ADNP2: variants seen among roughly 807,000 people sequenced by gnomAD.
ADNP2 encodes activity-dependent neuroprotector homeobox protein 2.
In ADNP2, 8 loss-of-function variants were observed where a neutral mutation model predicts 16.4. That is an observed-to-expected ratio of 0.49 (90% CI 0.29 to 0.88). The LOEUF (loss-of-function observed/expected upper bound fraction) is 0.88, where lower values mean the gene tolerates loss of function less well. Among genes scored for constraint, ADNP2 ranks in the 40% least tolerant of loss-of-function variants. The pLI is 0.09. For missense variants in ADNP2, 1,397 were observed against 1,395.1 expected, an observed-to-expected ratio of 1.00 and a Z score of -0.02; for synonymous variants, 637 against 545.8, an observed-to-expected ratio of 1.17 and a Z score of -2.33.
chr18:80,113,774 T>G (rs573553761), intron 1 of ADNP2, among the ~76,000 whole-genome samples: 1 of 152,118 alleles, frequency 6.6e-6, no homozygotes, highest in South Asian at 2.1e-4. Flanking sequence ...GTGAGTCGAG[T>G]GCAGTGGAGT....
chr18:80,124,118 T>G (rs1049165436), intron 2 of ADNP2, among the ~76,000 whole-genome samples: 1 of 152,240 alleles, frequency 6.6e-6, no homozygotes, highest in African/African-American at 2.4e-5. Flanking sequence ...CAGTCTCTTG[T>G]TACAGAAATT....
At position 80,109,387 on chromosome 18, in the gene ADNP2, C is replaced by T. The variant is rs1249590481; in HGVS notation, c.-99C>T. 6.7e-6 allele frequency: 1 copy of T among 148,684 alleles called. No homozygotes were observed. Among genetic ancestry groups the T allele is most frequent in the Non-Finnish European group, 1.5e-5 (1 of 66,672 alleles). The allele number at this position is 148,684 out of a possible 1,614,324, so 9.2% of individuals were successfully genotyped here. ...AGGCGCGGGCGGGCGCAGGCGGCCC[C>T]ACGGGACGCGGCTGCGCTCGGCGGA... On this transcript the variant is annotated 5_prime_UTR_variant, in exon 1 of 4. Transcript: ENST00000262198.
At chr18:80,133,895 G>A (rs4020397) in intron 3 of ADNP2, 128,502 of 152,196 alleles carry the variant, frequency 0.84, 54,367 homozygotes, top group Non-Finnish European at 0.87. Flanking sequence ...CCAGTGGCGT[G>A]GTCTTAAGCT....
Position 80,133,190 on chromosome 18 carries a change from G to A in ADNP2, c.196G>A (p.Val66Met), listed in dbSNP as rs2052509829. The change falls in exon 3 of 4, where the codon GTG (valine) becomes ATG (methionine). Residue 66 changes from valine to methionine, a missense_variant and splice_region_variant. Val to Met is a conservative substitution (Grantham distance 21, BLOSUM62 1). Around this residue, in one of 3 missense-constraint regions of ADNP2, gnomAD observed 777 missense variants for 719.4 expected, o/e 1.08. Coordinates refer to ENST00000262198, the MANE Select transcript of ADNP2 (RefSeq NM_014913.4). ...TCTCTGGGAACCTTCTGGAAAGAAA[G>A]TGGTATGTATTTTTTGCATTTGTTT... ...VSLWEPSGKK[V>M]RYRTKPYCCG... The A allele has an allele frequency of 6.8e-6, 11 of 1,610,704 alleles. No individual in the cohort carries two copies. The highest frequency in any genetic ancestry group is 1.7e-5 in the Admixed American group (1 of 59,984).
intron 2 of ADNP2, among the ~76,000 whole-genome samples, chr18:80,123,968 G>T (rs748433031): frequency 6.6e-6 from 1 of 152,072 alleles, no homozygotes; most frequent in Non-Finnish European, 1.5e-5. Flanking sequence ...GACCTCAAAT[G>T]ATTTACCCAC....
chr18:80,118,187 G>C (rs1429821952), intron 2 of ADNP2, among the ~76,000 whole-genome samples: 1 of 152,190 alleles, frequency 6.6e-6, no homozygotes, highest in Non-Finnish European at 1.5e-5. Context: ...CACTTTGGGA[G>C]GCTGAGGTGG....
rs368537313 is a variant in ADNP2 at position 80,138,210 on chromosome 18, G to A, written c.2797G>A (p.Val933Ile). 44 of 1,614,104 alleles carry A rather than the reference G, an allele frequency of 2.7e-5. No individual in the cohort carries two copies. The highest frequency in any genetic ancestry group is 3.1e-5 in the Non-Finnish European group (36 of 1,180,036). The change falls in exon 4 of 4, where the codon GTC becomes ATC. Residue 933 changes from valine to isoleucine, a missense_variant. Val to Ile is a conservative substitution (Grantham distance 29). Coordinates refer to ENST00000262198, the MANE Select transcript of ADNP2 (RefSeq NM_014913.4). The stretch of plus-strand genomic sequence containing the variant: ...AAATATGACCCTGGCTGCCATCGCC[G>A]TCCATTTGGTGCGCTGCAGAAGTGC... ...TGNMTLAAIA[V>I]HLVRCRSAPK...
chr18:80,114,051 G>A (rs2052373909), intron 1 of ADNP2, among the ~76,000 whole-genome samples: 2 of 151,904 alleles, frequency 1.3e-5, no homozygotes, highest in Non-Finnish European at 2.9e-5. Flanking sequence ...AAGTTAGCCA[G>A]GTGTGGTGGC....
In ADNP2 at chr18:80,114,284, A is replaced by G. The variant is rs192959778; in HGVS notation, c.-13-3246A>G. On this transcript the variant is annotated intron_variant, in intron 1 of 3. Coordinates refer to ENST00000262198, the MANE Select transcript of ADNP2 (RefSeq NM_014913.4). ...TTAAAATTTTTCTACTTTTACTACC[A>G]CCAGATGTTAGTAATCTTAATAGTT... Among the ~76,000 whole-genome samples the G allele has an allele frequency of 5.1e-4, 77 of 152,266 alleles. 1 individual carries two copies. The highest frequency in any genetic ancestry group is 2.0e-4 in the Admixed American group (3 of 15,304).
intron 2 of ADNP2, among the ~76,000 whole-genome samples, chr18:80,129,252 C>T (rs1599816109): frequency 1.3e-5 from 2 of 151,656 alleles, no homozygotes; most frequent in African/African-American, 4.9e-5. Flanking sequence ...TACGAGCACC[C>T]GCCACCACGC....
chr18:80,122,845 T>C (rs1032238799), intron 2 of ADNP2, among the ~76,000 whole-genome samples: 16 of 152,230 alleles, frequency 1.1e-4, no homozygotes, highest in African/African-American at 2.7e-4. Flanking sequence ...CAGTATAATA[T>C]CTTGTGGCAG....
At chr18:80,117,193 A>G (rs982143423) in intron 1 of ADNP2, among the ~76,000 whole-genome samples, 9 of 152,042 alleles carry the variant, frequency 5.9e-5, no homozygotes, top group Non-Finnish European at 1.2e-4. Context: ...TGAAGTCCAT[A>G]CCTATTTTTT....
At chr18:80,120,664 TA>T (rs1830679186) in intron 2 of ADNP2, among the ~76,000 whole-genome samples, 1 of 152,086 alleles carries the variant, frequency 6.6e-6, no homozygotes, top group Non-Finnish European at 1.5e-5. Flanking sequence ...TTTATTCATT[TA>T]TTTTTTTTTG....
At chr18:80,123,173 T>A (rs2052436010) in intron 2 of ADNP2, among the ~76,000 whole-genome samples, 1 of 152,226 alleles carries the variant, frequency 6.6e-6, no homozygotes, top group African/African-American at 2.4e-5. Context: ...TGGAATGCAC[T>A]CACTTGGTCG....
intron 1 of ADNP2, among the ~76,000 whole-genome samples, chr18:80,110,979 C>G (rs1378476022): frequency 6.6e-6 from 1 of 152,060 alleles, no homozygotes; most frequent in Non-Finnish European, 1.5e-5. Flanking sequence ...TTGGGAGACA[C>G]GTTTTTAATT....
chr18:80,114,790 G>T (rs542040759), intron 1 of ADNP2, among the ~76,000 whole-genome samples: 1 of 152,158 alleles, frequency 6.6e-6, no homozygotes. Context: ...GCCTCATCTG[G>T]GAAGACTCAA....
chr18:80,131,855 G>C (rs2052498929), intron 2 of ADNP2, among the ~76,000 whole-genome samples: 1 of 151,972 alleles, frequency 6.6e-6, no homozygotes, highest in South Asian at 2.1e-4. Flanking sequence ...GTCATGGGGT[G>C]GGGGGCAGGG....
chr18:80,112,972 T>A (rs1310745325), intron 1 of ADNP2, among the ~76,000 whole-genome samples: 1 of 152,204 alleles, frequency 6.6e-6, no homozygotes. Flanking sequence ...AGTGGAACTT[T>A]AAGGAGGAAA....
intron 2 of ADNP2, among the ~76,000 whole-genome samples, chr18:80,130,310 C>T (rs2052487805): frequency 6.6e-6 from 1 of 152,218 alleles, no homozygotes; most frequent in Admixed American, 6.5e-5. Context: ...TGAGCTAATT[C>T]TGAATGCACT....
Sources: gnomAD v4.1 joint callset for allele counts (sites outside exome capture counted in the v4.1 genomes callset) on GRCh38, gnomAD v4.1.1 for gene constraint, gnomAD v4.1.1 regional missense constraint, MANE v1.5 for transcripts, NCBI Gene and HGNC (gene_info 2026-07-23, HGNC 2026-07-21) for gene names.